NR4A1: variants seen among roughly 807,000 people sequenced by gnomAD.
NR4A1 encodes nuclear receptor subfamily 4 group A member 1.
Under a neutral mutation model 47.5 loss-of-function variants are expected in NR4A1, and 24 were observed. That is an observed-to-expected ratio of 0.50 (90% CI 0.37 to 0.71). NR4A1 has a LOEUF of 0.71. Among genes scored for constraint, NR4A1 ranks in the 30% least tolerant of loss-of-function variants. The probability of loss-of-function intolerance (pLI) is 0.00; values close to 1 mark genes in which losing one functional copy is unlikely to be tolerated. For synonymous variants in NR4A1, 353 were observed against 345.7 expected (o/e 1.02, Z -0.24); for missense variants, 669 against 788.6 (o/e 0.85, Z 1.82).
At chr12:52,057,329 C>A (rs191691077) in intron 5 of NR4A1, 23 bp from the exon 6 acceptor site, 1 of 1,614,136 alleles carries the variant, frequency 6.2e-7, no homozygotes. Flanking sequence ...CCTGATCGCT[C>A]TTCGTGCCCA....
intron 2 of NR4A1, chr12:52,042,078 C>T (rs1039712507): frequency 7.2e-5 from 67 of 935,786 alleles, no homozygotes; most frequent in Non-Finnish European, 8.7e-5. Flanking sequence ...GTTCAGTGTG[C>T]GGGATCTGAT....
chr12:52,058,682 C>A lies in NR4A1; in HGVS notation c.1541-6C>A. On this transcript the variant is annotated splice_polypyrimidine_tract_variant and splice_region_variant and intron_variant, in intron 6 of 6. Transcript: ENST00000394825. ...ATGTACAGCTAATCCTGTACCCTTC[C>A]CGCAGACCGGCATGGGCTGCAGGAG... The A allele has an allele frequency of 6.3e-7, 1 of 1,594,002 alleles. No individual in the cohort carries two copies. The highest frequency in any genetic ancestry group is 8.5e-7 in the Non-Finnish European group (1 of 1,170,778).
Position 52,038,062 on chromosome 12 carries a change from C to T in NR4A1, c.-83-3748C>T, listed in dbSNP as rs569011093. The T allele has an allele frequency of 1.3e-3, 1,275 of 973,910 alleles. 2 individuals carry two copies. Among genetic ancestry groups the T allele is most frequent in the Non-Finnish European group, 1.4e-3 (1,150 of 821,676 alleles). The allele number at this position is 973,910 out of a possible 1,614,324, so 60.3% of individuals were successfully genotyped here. On this transcript the variant is annotated intron_variant, in intron 1 of 7. Transcript: ENST00000360284. ...TGACTTGGCTCATTCCCCCCCAACG[C>T]CCCCCCTTTCTTTTTTTTTTGAGAT...
chr12:52,053,018 G>T (rs920623181), intron 1 of NR4A1, among the ~76,000 whole-genome samples: 3 of 152,150 alleles, frequency 2.0e-5, no homozygotes, highest in Non-Finnish European at 2.9e-5. Flanking sequence ...GACTTCCTGG[G>T]CTCTTGGCCA....
At chr12:52,056,320 G>T in intron 3 of NR4A1, 161 bp downstream of exon 3, 1 of 1,369,884 alleles carries the variant, frequency 7.3e-7, no homozygotes, top group Non-Finnish European at 9.8e-7. Context: ...GCCTACACCT[G>T]CCTGGATTGT....
At chr12:52,056,327 T>C in intron 3 of NR4A1, 167 bp from the exon 4 acceptor site, 1 of 1,357,752 alleles carries the variant, frequency 7.4e-7, no homozygotes, top group Non-Finnish European at 9.9e-7. Flanking sequence ...CCTGCCTGGA[T>C]TGTGAGGGTG....
Position 52,057,462 on chromosome 12 carries a change from G to A in NR4A1, c.1472G>A (p.Arg491Lys), listed in dbSNP as rs1309144988. The A allele has an allele frequency of 1.2e-6, 2 of 1,614,206 alleles. No individual in the cohort carries two copies. Among genetic ancestry groups the A allele is most frequent in the Admixed American group, 3.3e-5 (2 of 60,022 alleles). Residue 491 changes from arginine to lysine, a missense_variant, in exon 6 of 7, where the codon AGG (arginine) becomes AAG (lysine). Physicochemically the swap from Arg to Lys is conservative, Grantham distance 26. Transcript: ENST00000394825. ...DWIDSILAFS[R>K]SLHSLLVDVP... ...ATTGACAGTATCCTGGCCTTCTCAA[G>A]GTCCCTGCACAGCTTGCTTGTCGAT...
At chr12:52,028,202 CAAAAAAAAAAAAAAA>C (rs34072500) in intron 1 of NR4A1, among the ~76,000 whole-genome samples, 2 of 61,766 alleles carry the variant, frequency 3.2e-5, no homozygotes, top group Non-Finnish European at 5.6e-5. Context: ...ACCCTGTCTC[CAAAAAAAAAAAAAAA>C]AAAAAAAAAA....
Position 52,059,175 on chromosome 12 carries a change from T to C in NR4A1, c.*231T>C. On this transcript the variant is annotated 3_prime_UTR_variant, in exon 7 of 7. Coordinates refer to ENST00000394825, the MANE Select transcript of NR4A1 (RefSeq NM_173157.3). Reference sequence around the variant, plus strand: ...TCCCCCCCAGCCTGGCCCCGGCCTTTATGTTTTTTGTAAGATAAACCGTTT... The same window carrying C: ...TCCCCCCCAGCCTGGCCCCGGCCTTCATGTTTTTTGTAAGATAAACCGTTT... 1 of 574,348 alleles carries C rather than the reference T, an allele frequency of 1.7e-6. No homozygotes were observed. Among genetic ancestry groups the C allele is most frequent in the East Asian group, 3.0e-5 (1 of 33,024 alleles). 35.6% of individuals were successfully genotyped at this position (574,348 alleles called of 1,614,324 possible).
intron 1 of NR4A1, among the ~76,000 whole-genome samples, chr12:52,035,038 A>C (rs1938206435): frequency 6.6e-6 from 1 of 152,230 alleles, no homozygotes; most frequent in Non-Finnish European, 1.5e-5. Flanking sequence ...GGAGTCATGC[A>C]GCTGGTAAGA....
intron 2 of NR4A1, chr12:52,041,986 A>C: frequency 1.6e-6 from 2 of 1,221,014 alleles, no homozygotes; most frequent in Non-Finnish European, 2.1e-6. Context: ...GTTGGGGGGC[A>C]GAGGTGGGGG....
intron 1 of NR4A1, chr12:52,038,133 C>T: frequency 1.1e-6 from 1 of 898,962 alleles, no homozygotes; most frequent in Non-Finnish European, 1.3e-6. Flanking sequence ...AGCGTGATCT[C>T]GGCTCACTGC....
At chr12:52,041,269 A>G (rs1428964386) in intron 1 of NR4A1, among the ~76,000 whole-genome samples, 1 of 152,132 alleles carries the variant, frequency 6.6e-6, no homozygotes, top group African/African-American at 2.4e-5. Context: ...CATGAGGTAC[A>G]AAGAGATTAT....
chr12:52,025,622 G>C (rs1937985784), intron 1 of NR4A1, among the ~76,000 whole-genome samples: 1 of 152,070 alleles, frequency 6.6e-6, no homozygotes, highest in Non-Finnish European at 1.5e-5. Flanking sequence ...TGCACTTCTC[G>C]TTATGTGCCG....
At chr12:52,058,033 G>T (rs1021416797) in intron 6 of NR4A1, among the ~76,000 whole-genome samples, 3 of 151,874 alleles carry the variant, frequency 2.0e-5, no homozygotes, top group Non-Finnish European at 2.9e-5. Context: ...TATGTTGCCC[G>T]AGCTGGTCTC....
chr12:52,034,429 A>T (rs1421093189), intron 1 of NR4A1, among the ~76,000 whole-genome samples: 1 of 152,206 alleles, frequency 6.6e-6, no homozygotes, highest in African/African-American at 2.4e-5. Flanking sequence ...GTCACTGGCC[A>T]TGGTGGCCTG....
At chr12:52,037,299 C>T in intron 1 of NR4A1, 2 of 888,794 alleles carry the variant, frequency 2.3e-6, no homozygotes, top group Non-Finnish European at 2.7e-6. Context: ...GCGGCGGCGG[C>T]GGAACTGGCG....
At position 52,055,077 on chromosome 12, in the gene NR4A1, T is replaced by C. The variant is rs200637509; in HGVS notation, c.749T>C (p.Val250Ala). The change falls in exon 2 of 7, where the codon GTG becomes GCG. Residue 250 changes from valine (V) to alanine (A), a missense_variant. Physicochemically the swap from Val to Ala is moderately conservative, Grantham distance 64. Transcript: ENST00000394825. ...GGCTCGGGGATACTGGATACACCCG[T>C]GACCTCAACCAAGGCCCGGAGCGGG... is the stretch of plus-strand genomic sequence containing the variant. Reference protein sequence around the residue: ...LEGSGILDTPVTSTKARSGAP... With the variant: ...LEGSGILDTPATSTKARSGAP... The C allele has an allele frequency of 4.7e-4, 753 of 1,614,236 alleles. No homozygotes were observed. Among genetic ancestry groups the C allele is most frequent in the Non-Finnish European group, 5.8e-4 (680 of 1,180,036 alleles).
rs151135203 is a variant in NR4A1 at position 52,043,520 on chromosome 12, G to A, written c.37+1591G>A. 100 of 350,866 alleles carry A rather than the reference G, an allele frequency of 2.9e-4. 1 individual carries two copies. In the Middle Eastern group the frequency reaches 3.2e-3, roughly 11 times the overall value. 21.7% of individuals were successfully genotyped at this position (350,866 alleles called of 1,614,324 possible). ...TAGAGCTGCTGGTCTTGTGACGTGG[G>A]CACCTGTCTGCCAGGCCTGGGCACG... On this transcript the variant is annotated intron_variant, in intron 2 of 7. Transcript: ENST00000360284.
Sources: allele counts gnomAD v4.1 joint callset (sites outside exome capture counted in the v4.1 genomes callset), GRCh38; gene constraint gnomAD v4.1.1; transcripts MANE v1.5; gene names NCBI Gene and HGNC (gene_info 2026-07-23, HGNC 2026-07-21).